Variants in IRF2 observed in about 807,000 individuals in gnomAD.
IRF2 encodes the protein interferon regulatory factor 2.
A neutral mutation model predicts 40.6 loss-of-function variants in IRF2; 15 were observed. That is an observed-to-expected ratio of 0.37 (90% CI 0.25 to 0.57). The LOEUF is 0.57. Among genes scored for constraint, IRF2 ranks in the 20% least tolerant of loss-of-function variants. The pLI is 0.77. For missense variants in IRF2, 317 were observed against 455.7 expected (o/e 0.70, Z 2.77); for synonymous variants, 151 against 165.5 (o/e 0.91, Z 0.67).
chr4:184,446,475 G>T (rs1422130510), intron 1 of IRF2, among the ~76,000 whole-genome samples: 2 of 152,162 alleles, frequency 1.3e-5, no homozygotes, highest in Non-Finnish European at 2.9e-5. Flanking sequence ...TCGTCATTGT[G>T]GTGGGGCAAC....
chr4:184,395,246 C>A (rs755409454), intron 7 of IRF2, among the ~76,000 whole-genome samples: 1 of 151,824 alleles, frequency 6.6e-6, no homozygotes. Flanking sequence ...CCCGTCTCTA[C>A]TAAAAATACA....
rs893702285 is a variant in IRF2, at chr4:184,398,669, A to T, written c.694+246T>A. Reference sequence around the variant, plus strand: ...AGACTCTGTCTCAAAAAAAAAAAAAATAAATAAATAAATAAAAAATGTCAT... The same window carrying T: ...AGACTCTGTCTCAAAAAAAAAAAAATTAAATAAATAAATAAAAAATGTCAT... On this transcript the variant is annotated intron_variant, in intron 7 of 8. Transcript: ENST00000393593. Among the ~76,000 whole-genome samples the T allele has an allele frequency of 5.5e-3, 796 of 143,598 alleles. 10 individuals carry two copies. Among genetic ancestry groups the T allele is most frequent in the African/African-American group, 0.019 (767 of 39,590 alleles). 94.2% of individuals were successfully genotyped at this position (143,598 alleles called of 152,430 possible).
chr4:184,405,612 T>A (rs1481724797), intron 6 of IRF2, among the ~76,000 whole-genome samples: 1 of 152,110 alleles, frequency 6.6e-6, no homozygotes, highest in Non-Finnish European at 1.5e-5. Flanking sequence ...ACACTGGCAT[T>A]CTTTATTTTG....
At chr4:184,395,051 A>G (rs1736393856) in intron 7 of IRF2, among the ~76,000 whole-genome samples, 3 of 152,126 alleles carry the variant, frequency 2.0e-5, no homozygotes, top group Non-Finnish European at 4.4e-5. Context: ...TGATTCAACG[A>G]TCAGTAGGGG....
chr4:184,454,364 T>C (rs2149914337), intron 1 of IRF2, among the ~76,000 whole-genome samples: 1 of 152,318 alleles, frequency 6.6e-6, no homozygotes, highest in African/African-American at 2.4e-5. Context: ...AACTATAAAC[T>C]TACGCACTAC....
chr4:184,463,165 T>C (rs1739203513), intron 1 of IRF2, among the ~76,000 whole-genome samples: 1 of 152,236 alleles, frequency 6.6e-6, no homozygotes, highest in South Asian at 2.1e-4. Flanking sequence ...GAGCATTTCA[T>C]TGTTTTAGGC....
Position 184,418,514 on chromosome 4 carries a change from G to C in IRF2, c.364+18C>G, listed in dbSNP as rs1307690053. 6.2e-7 allele frequency: 1 copy of C among 1,608,626 alleles called. No individual in the cohort carries two copies. Among genetic ancestry groups the C allele is most frequent in the Admixed American group, 1.7e-5 (1 of 59,968 alleles). ...ACACAAATTGATTTACCTTATTTTA[G>C]TCTGTAAATGCCTTTACCTTTCTTA... On this transcript the variant is annotated intron_variant, in intron 4 of 8. Coordinates refer to ENST00000393593, the MANE Select transcript of IRF2 (RefSeq NM_002199.4).
rs1212562449 is a variant in IRF2, at chr4:184,434,726, C to T, written c.-6-5656G>A. ...GGCATGCAAGCTATTCATTGTGATTCGTAAGTCACGAATGATCCCCCATGA... is the reference window on the plus strand; with the variant it reads ...GGCATGCAAGCTATTCATTGTGATTTGTAAGTCACGAATGATCCCCCATGA... On this transcript the variant is annotated intron_variant, in intron 1 of 8. Transcript: ENST00000393593. 5.9e-5 allele frequency among the ~76,000 whole-genome samples: 9 copies of T among 152,228 alleles called. No individual in the cohort carries two copies. The South Asian group carries it at 8.3e-4, about 14-fold the overall frequency.
At chr4:184,434,704 A>T (rs1307761334) in intron 1 of IRF2, among the ~76,000 whole-genome samples, 1 of 152,254 alleles carries the variant, frequency 6.6e-6, no homozygotes, top group Non-Finnish European at 1.5e-5. Context: ...TATATAAGGC[A>T]TGCAAGCTAT....
At chr4:184,467,918 A>G (rs942798372) in intron 1 of IRF2, among the ~76,000 whole-genome samples, 3 of 152,218 alleles carry the variant, frequency 2.0e-5, no homozygotes, top group Admixed American at 2.0e-4. Context: ...ACAAAATCCT[A>G]AATTAAGGTA....
intron 1 of IRF2, among the ~76,000 whole-genome samples, chr4:184,460,313 C>T (rs1739088086): frequency 6.6e-6 from 1 of 152,304 alleles, no homozygotes; most frequent in Non-Finnish European, 1.5e-5. Context: ...TGCTGGCTGC[C>T]AGGGGCTGCG....
intron 6 of IRF2, among the ~76,000 whole-genome samples, chr4:184,403,862 T>C (rs1306480171): frequency 6.6e-6 from 1 of 152,182 alleles, no homozygotes. Flanking sequence ...AGAAATCCAC[T>C]AAGTTTCTCC....
chr4:184,463,658 A>AT lies in IRF2; in HGVS notation c.-7+10720dup, dbSNP rs200334992. Among the ~76,000 whole-genome samples the AT allele has an allele frequency of 8.1e-3, 1,201 of 147,944 alleles. 7 individuals are homozygous for AT. The highest frequency in any genetic ancestry group is 0.01 in the African/African-American group (423 of 41,020). ...TGGACAATATCGTGCATATATATAT[A>AT]TTTTTTTTTTGATGGGCTGTGGTAC... On this transcript the variant is annotated intron_variant, in intron 1 of 8. Transcript: ENST00000393593.
At chr4:184,415,445 T>TG (rs1737231969) in intron 5 of IRF2, among the ~76,000 whole-genome samples, 1 of 152,322 alleles carries the variant, frequency 6.6e-6, no homozygotes, top group Middle Eastern at 3.4e-3. Flanking sequence ...CAGGGCCATG[T>TG]GAAGACACCA....
intron 1 of IRF2, among the ~76,000 whole-genome samples, chr4:184,436,414 A>G (rs1245868554): frequency 6.6e-6 from 1 of 152,240 alleles, no homozygotes; most frequent in East Asian, 1.9e-4. Flanking sequence ...CAAGGAACAA[A>G]TAAGTTAACT....
intron 1 of IRF2, among the ~76,000 whole-genome samples, chr4:184,467,799 T>C (rs1312289753): frequency 2.0e-5 from 3 of 152,256 alleles, no homozygotes; most frequent in Non-Finnish European, 4.4e-5. Flanking sequence ...CTTCAGCAGA[T>C]AGCAACAGTG....
rs149136512 is a variant in IRF2 at position 184,394,064 on chromosome 4, C to T, written c.695-3315G>A. 2.5e-3 allele frequency among the ~76,000 whole-genome samples: 384 copies of T among 152,320 alleles called. 8 individuals are homozygous for T. The highest frequency in any genetic ancestry group is 8.4e-3 in the African/African-American group (348 of 41,574). On this transcript the variant is annotated intron_variant, in intron 7 of 8. Coordinates refer to ENST00000393593, the MANE Select transcript of IRF2 (RefSeq NM_002199.4). ...GTTTTTGCTTTTTGTTTATTACTTA[C>T]TTCGAATACAATGGAATAAAGAAGT...
rs1242473009 is a variant in IRF2 at position 184,413,988 on chromosome 4, G to T, written c.411+4179C>A. Among the ~76,000 whole-genome samples, 1 of 152,208 alleles carries T rather than the reference G, an allele frequency of 6.6e-6. No homozygotes were observed. The highest frequency in any genetic ancestry group is 1.5e-5 in the Non-Finnish European group (1 of 68,036). On this transcript the variant is annotated intron_variant, in intron 5 of 8. Transcript: ENST00000393593. This position sits in a 1 kb window ranked among gnomAD's most constrained non-coding sequence, Gnocchi z 4.2. Reference sequence around the variant, plus strand: ...TGACCCTGTCCACCCCTCAAGGCCTGGCTTAGGCCCCAAAGGCTACGAGGC... The same window carrying T: ...TGACCCTGTCCACCCCTCAAGGCCTTGCTTAGGCCCCAAAGGCTACGAGGC...
intron 6 of IRF2, among the ~76,000 whole-genome samples, chr4:184,402,608 A>G (rs1284172021): frequency 1.3e-5 from 2 of 152,040 alleles, no homozygotes; most frequent in Non-Finnish European, 2.9e-5. Flanking sequence ...GAATAAATGG[A>G]CATGTGATGG....
Sources: allele counts gnomAD v4.1 joint callset (sites outside exome capture counted in the v4.1 genomes callset), GRCh38; gene constraint gnomAD v4.1.1; non-coding constraint Gnocchi (gnomAD v3.1); transcripts MANE v1.5; gene names NCBI Gene and HGNC (gene_info 2026-07-23, HGNC 2026-07-21).